TAF3: variants seen among roughly 807,000 people sequenced by gnomAD.
The protein encoded by TAF3 is TATA-box binding protein associated factor 3.
A neutral mutation model predicts 80.6 loss-of-function variants in TAF3; 7 were observed. The ratio of observed to expected loss-of-function variants is 0.09; its 90% CI spans 0.05 to 0.16. The LOEUF (loss-of-function observed/expected upper bound fraction) is 0.16, where lower values mean the gene tolerates loss of function less well. TAF3 is among the 10% of genes least tolerant of loss of function. TAF3 has a pLI of 1.00. For missense variants in TAF3, 921 were observed against 1,140.2 expected, an observed-to-expected ratio of 0.81 and a Z score of 2.77; for synonymous variants, 444 against 446.1, an observed-to-expected ratio of 1.00 and a Z score of 0.06.
intron 2 of TAF3, among the ~76,000 whole-genome samples, chr10:7,830,313 C>G (rs1416958464): frequency 6.6e-6 from 1 of 150,918 alleles, no homozygotes; most frequent in Non-Finnish European, 1.5e-5. Flanking sequence ...GTGCCCAACC[C>G]CACCCCACCC....
At chr10:7,853,938 TG>T (rs1478882163) in intron 2 of TAF3, among the ~76,000 whole-genome samples, 61 of 152,374 alleles carry the variant, frequency 4.0e-4, no homozygotes, top group African/African-American at 1.2e-3. Flanking sequence ...GAGAATCAAT[TG>T]GCTGCATGGA....
intron 2 of TAF3, among the ~76,000 whole-genome samples, chr10:7,896,075 G>A (rs1832255169): frequency 6.6e-6 from 1 of 152,172 alleles, no homozygotes; most frequent in South Asian, 2.1e-4. Flanking sequence ...ACCAATGATA[G>A]TTGAAGTAAC....
At chr10:7,897,513 T>C (rs1837515883) in intron 2 of TAF3, among the ~76,000 whole-genome samples, 1 of 152,318 alleles carries the variant, frequency 6.6e-6, no homozygotes, top group South Asian at 2.1e-4. Context: ...TTTGCCTTCA[T>C]GCGTGTTTTG....
intron 2 of TAF3, among the ~76,000 whole-genome samples, chr10:7,910,459 C>T (rs1181456475): frequency 3.9e-5 from 6 of 152,164 alleles, no homozygotes; most frequent in African/African-American, 1.4e-4. Flanking sequence ...CAGCTCACTG[C>T]AACCTCCACC....
chr10:7,824,888 A>G (rs1455288932), intron 2 of TAF3, among the ~76,000 whole-genome samples: 3 of 152,232 alleles, frequency 2.0e-5, no homozygotes, highest in African/African-American at 7.2e-5. Flanking sequence ...TTTGAAACAA[A>G]AAGAAAAATT....
At chr10:7,985,126 T>G (rs983135259) in intron 4 of TAF3, among the ~76,000 whole-genome samples, 5 of 152,240 alleles carry the variant, frequency 3.3e-5, no homozygotes, top group Admixed American at 3.3e-4. Flanking sequence ...ACTGCAGGAC[T>G]GCTGTCATTT....
intron 2 of TAF3, among the ~76,000 whole-genome samples, chr10:7,917,967 A>G (rs1201114429): frequency 6.6e-6 from 1 of 152,186 alleles, no homozygotes; most frequent in Non-Finnish European, 1.5e-5. Context: ...AGGCACTTTC[A>G]GTGTTTAGAC....
chr10:7,895,645 G>A (rs1258184793), intron 2 of TAF3, among the ~76,000 whole-genome samples: 1 of 152,134 alleles, frequency 6.6e-6, no homozygotes, highest in Non-Finnish European at 1.5e-5. Context: ...GGAAATTGGG[G>A]CATGATTCTA....
chr10:7,873,095 A>C (rs1185209465), intron 2 of TAF3, among the ~76,000 whole-genome samples: 1 of 152,190 alleles, frequency 6.6e-6, no homozygotes, highest in Non-Finnish European at 1.5e-5. Context: ...ATTAAAAGTA[A>C]TAATTTAATA....
chr10:7,849,624 C>T (rs1837006578), intron 2 of TAF3, among the ~76,000 whole-genome samples: 1 of 151,830 alleles, frequency 6.6e-6, no homozygotes, highest in Non-Finnish European at 1.5e-5. Flanking sequence ...TGTATTGCCC[C>T]CAATTATCAT....
chr10:7,861,380 A>G (rs1837145947), intron 2 of TAF3, among the ~76,000 whole-genome samples: 1 of 152,060 alleles, frequency 6.6e-6, no homozygotes, highest in Admixed American at 6.5e-5. Context: ...TGCTGGGATT[A>G]CAAGCATGAG....
chr10:7,992,579 TAG>T (rs1361472282), intron 4 of TAF3, among the ~76,000 whole-genome samples: 1 of 148,988 alleles, frequency 6.7e-6, no homozygotes, highest in Admixed American at 6.7e-5. Flanking sequence ...GAGTAAAATT[TAG>T]AAATGGAGAA....
rs1229162520 is a variant in TAF3, at chr10:8,009,282, C to T, written c.2520C>T (p.Ala840=). The T allele has an allele frequency of 2.5e-6, 4 of 1,583,286 alleles. No individual in the cohort carries two copies. In the African/African-American group the frequency reaches 5.6e-5, roughly 22 times the overall value. ...SPGPAASGAS[A]KAPVRSVVTE... ...GTCCCGCCGCCTCCGGGGCCAGTGC[C>T]AAAGCCCCCGTGCGCAGCGTGGTGA... is the stretch of plus-strand genomic sequence containing the variant. Residue 840 remains alanine (A), a synonymous_variant, in exon 5 of 7, where the codon GCC becomes GCT. Coordinates refer to ENST00000344293, the MANE Select transcript of TAF3 (RefSeq NM_031923.4). This position sits in a 1 kb window ranked among gnomAD's most constrained non-coding sequence, Gnocchi z 4.1.
At chr10:7,844,188 G>A (rs1487933713) in intron 2 of TAF3, among the ~76,000 whole-genome samples, 9 of 152,012 alleles carry the variant, frequency 5.9e-5, no homozygotes, top group Non-Finnish European at 1.5e-5. Context: ...TTTTAATAAA[G>A]GCTTTGTGAT....
chr10:7,934,432 T>C (rs915249657), intron 2 of TAF3, among the ~76,000 whole-genome samples: 5 of 152,142 alleles, frequency 3.3e-5, no homozygotes, highest in Non-Finnish European at 4.4e-5. Context: ...TCTTTTATCT[T>C]ACTGTTATTT....
intron 2 of TAF3, among the ~76,000 whole-genome samples, chr10:7,835,900 A>G (rs369126142): frequency 1.3e-5 from 2 of 152,248 alleles, no homozygotes; most frequent in East Asian, 1.9e-4. Flanking sequence ...GGGAAGATGC[A>G]CAAACTACCT....
chr10:7,927,023 G>A (rs1399183), intron 2 of TAF3, among the ~76,000 whole-genome samples: 82,017 of 151,946 alleles, frequency 0.54, 23,386 homozygotes, highest in East Asian at 0.7. Context: ...GGTGGGGGAT[G>A]AACACAGAAA....
chr10:7,956,968 T>A (rs150900765), intron 2 of TAF3, among the ~76,000 whole-genome samples: 329 of 152,310 alleles, frequency 2.2e-3, no homozygotes, highest in Admixed American at 3.5e-3. Flanking sequence ...TTTTTTCTAC[T>A]AGAACTATAG....
chr10:7,981,413 A>G (rs1831724547), intron 4 of TAF3, among the ~76,000 whole-genome samples: 1 of 152,136 alleles, frequency 6.6e-6, no homozygotes, highest in African/African-American at 2.4e-5. Context: ...CCCTCTAGAC[A>G]TCCCATCATG....
Sources: allele counts gnomAD v4.1 joint callset (sites outside exome capture counted in the v4.1 genomes callset), GRCh38; gene constraint gnomAD v4.1.1; non-coding constraint Gnocchi (gnomAD v3.1); transcripts MANE v1.5; gene names NCBI Gene and HGNC (gene_info 2026-07-23, HGNC 2026-07-21).